The following AGAP1 variants were observed in gnomAD, a reference collection of about 807,000 sequenced individuals.
The protein encoded by AGAP1 is arf-GAP with GTPase, ANK repeat and PH domain-containing protein 1.
In AGAP1, 29 loss-of-function variants were observed where a neutral mutation model predicts 105.3. The ratio of observed to expected loss-of-function variants is 0.28; its 90% CI spans 0.21 to 0.38. The LOEUF (loss-of-function observed/expected upper bound fraction) is 0.38, where lower values mean the gene tolerates loss of function less well. Ranked by LOEUF, AGAP1 falls within the 10% of genes least tolerant of loss-of-function variation. The probability of loss-of-function intolerance (pLI) is 1.00; values close to 1 mark genes in which losing one functional copy is unlikely to be tolerated. For synonymous variants in AGAP1, 509 were observed against 485.9 expected (o/e 1.05, Z -0.63); for missense variants, 998 against 1,165.1 (o/e 0.86, Z 2.09).
chr2:235,998,623 A>G (rs2055916909), intron 13 of AGAP1, among the ~76,000 whole-genome samples: 1 of 146,102 alleles, frequency 6.8e-6, no homozygotes, highest in African/African-American at 2.4e-5. Flanking sequence ...GGCTCAGCAA[A>G]AGTTAGGGAT....
chr2:235,588,540 T>C (rs1945210538), intron 1 of AGAP1, among the ~76,000 whole-genome samples: 1 of 151,990 alleles, frequency 6.6e-6, no homozygotes, highest in South Asian at 2.1e-4. Flanking sequence ...AATAGTAAAA[T>C]CTGGATAAAA....
chr2:235,800,191 C>A (rs1043072555), intron 8 of AGAP1, among the ~76,000 whole-genome samples: 6 of 151,166 alleles, frequency 4.0e-5, no homozygotes, highest in South Asian at 2.1e-4. Context: ...ACTGCAGCCT[C>A]AACCTCCTGA....
Position 235,740,685 on chromosome 2 carries a change from G to A in AGAP1, c.311-278G>A, listed in dbSNP as rs1304287368. 6.6e-6 allele frequency among the ~76,000 whole-genome samples: 1 copy of A among 152,208 alleles called. No individual in the cohort carries two copies. Among genetic ancestry groups the A allele is most frequent in the African/African-American group, 2.4e-5 (1 of 41,450 alleles). Reference sequence around the variant, plus strand: ...GAGAATTCCTGAATTTACATAGAAAGCCCACATGAGAAGTCCACACTAATT... The same window carrying A: ...GAGAATTCCTGAATTTACATAGAAAACCCACATGAGAAGTCCACACTAATT... On this transcript the variant is annotated intron_variant, in intron 3 of 17. Transcript: ENST00000304032. The surrounding 1 kb of genome is among the most constrained non-coding windows in gnomAD (Gnocchi z 5.7).
At position 235,893,745 on chromosome 2, in the gene AGAP1, C is replaced by G. The variant is rs1277755016; in HGVS notation, c.1155+10296C>G. Among the ~76,000 whole-genome samples, 1 of 152,124 alleles carries G rather than the reference C, an allele frequency of 6.6e-6. No homozygotes were observed. Among genetic ancestry groups the G allele is most frequent in the Non-Finnish European group, 1.5e-5 (1 of 68,028 alleles). Reference sequence around the variant, plus strand: ...TGCCCAGGGGCTGTCATGTGAGTGGCACATAGGTATTGCTTAGTACACACC... The same window carrying G: ...TGCCCAGGGGCTGTCATGTGAGTGGGACATAGGTATTGCTTAGTACACACC... On this transcript the variant is annotated intron_variant, in intron 10 of 17. Transcript: ENST00000304032. This position sits in a 1 kb window ranked among gnomAD's most constrained non-coding sequence, Gnocchi z 4.7.
chr2:235,640,894 C>T (rs1265504391), intron 1 of AGAP1, among the ~76,000 whole-genome samples: 1 of 152,162 alleles, frequency 6.6e-6, no homozygotes, highest in Admixed American at 6.5e-5. Flanking sequence ...GTCCTGACTG[C>T]TTTCACTCAT....
At chr2:235,795,128 G>A (rs938624585) in intron 6 of AGAP1, among the ~76,000 whole-genome samples, 2 of 152,082 alleles carry the variant, frequency 1.3e-5, no homozygotes, top group African/African-American at 4.8e-5. Flanking sequence ...GGGAATGGAG[G>A]GGGGTTCCTC....
Position 236,120,583 on chromosome 2 carries a change from T to A in AGAP1, c.2370+136T>A. 1.4e-6 allele frequency: 2 copies of A among 1,464,056 alleles called. No homozygotes were observed. 90.7% of individuals were successfully genotyped at this position (1,464,056 alleles called of 1,614,324 possible). A position where few individuals can be genotyped will look rare whatever the true frequency, so the allele number is the denominator to read the frequency against. ...GTGGAAACAGTTCCTAATGGGAAACTCTGATTGAAGAGCAGAGGGCCTTAC... is the reference window on the plus strand; with the variant it reads ...GTGGAAACAGTTCCTAATGGGAAACACTGATTGAAGAGCAGAGGGCCTTAC... On this transcript the variant is annotated intron_variant, in intron 17 of 17. Coordinates refer to ENST00000304032, the MANE Select transcript of AGAP1 (RefSeq NM_001037131.3). This position sits in a 1 kb window ranked among gnomAD's most constrained non-coding sequence, Gnocchi z 6.0.
intron 13 of AGAP1, among the ~76,000 whole-genome samples, chr2:236,034,014 A>T (rs2057304065): frequency 6.6e-6 from 1 of 152,200 alleles, no homozygotes. Context: ...GTCACATCCC[A>T]CCTATGAATT....
At position 235,958,771 on chromosome 2, in the gene AGAP1, A is replaced by C. The variant is rs1486611954; in HGVS notation, c.1484-9691A>C. 6.6e-6 allele frequency among the ~76,000 whole-genome samples: 1 copy of C among 152,196 alleles called. No individual in the cohort carries two copies. Among genetic ancestry groups the C allele is most frequent in the Non-Finnish European group, 1.5e-5 (1 of 68,030 alleles). On this transcript the variant is annotated intron_variant, in intron 12 of 17. Coordinates refer to ENST00000304032, the MANE Select transcript of AGAP1 (RefSeq NM_001037131.3). This position sits in a 1 kb window ranked among gnomAD's most constrained non-coding sequence, Gnocchi z 4.1. ...GCTAAGAATACATTCCTGGCCCATC[A>C]GTCTCAAGCAGGCTGCTTGATATTT... is the stretch of plus-strand genomic sequence containing the variant.
chr2:235,765,396 C>T (rs1350228177), intron 6 of AGAP1, among the ~76,000 whole-genome samples: 1 of 152,058 alleles, frequency 6.6e-6, no homozygotes, highest in Non-Finnish European at 1.5e-5. Context: ...TCACGCTGCC[C>T]CCACAGGCCC....
chr2:235,897,551 G>A (rs1363695455), intron 10 of AGAP1, among the ~76,000 whole-genome samples: 1 of 152,188 alleles, frequency 6.6e-6, no homozygotes, highest in Non-Finnish European at 1.5e-5. Context: ...CGTCCTACCA[G>A]TATGCCGCGT....
intron 1 of AGAP1, among the ~76,000 whole-genome samples, chr2:235,497,817 C>G (rs1941386333): frequency 6.6e-6 from 1 of 152,148 alleles, no homozygotes; most frequent in Non-Finnish European, 1.5e-5. Context: ...GGTATGGTCT[C>G]CGTCTCCTAA....
intron 9 of AGAP1, among the ~76,000 whole-genome samples, chr2:235,828,120 G>T (rs528965134): frequency 6.6e-6 from 1 of 152,192 alleles, no homozygotes; most frequent in Non-Finnish European, 1.5e-5. Flanking sequence ...TTTCTGGCTT[G>T]TTCTCATGTT....
chr2:235,610,776 C>T lies in AGAP1; in HGVS notation c.164-98403C>T, dbSNP rs567744326. On this transcript the variant is annotated intron_variant, in intron 1 of 17. Coordinates refer to ENST00000304032, the MANE Select transcript of AGAP1 (RefSeq NM_001037131.3). This position sits in a 1 kb window ranked among gnomAD's most constrained non-coding sequence, Gnocchi z 4.9. ...GAAACCCTGGGCTGGGGAGGAGGTG[C>T]GCTAAGACTGGGCCACAGGTGTGCT... 6.0e-4 allele frequency among the ~76,000 whole-genome samples: 92 copies of T among 152,174 alleles called. No individual in the cohort carries two copies. The highest frequency in any genetic ancestry group is 2.1e-3 in the African/African-American group (86 of 41,516).
rs1458214543 is a variant in AGAP1 at position 235,620,110 on chromosome 2, A to T, written c.164-89069A>T. 6.6e-6 allele frequency among the ~76,000 whole-genome samples: 1 copy of T among 152,078 alleles called. No individual in the cohort carries two copies. Among genetic ancestry groups the T allele is most frequent in the Non-Finnish European group, 1.5e-5 (1 of 68,028 alleles). Reference sequence around the variant, plus strand: ...TCTTTGTCACAGCTGAAGCCCTCGCATGCTGGAGACTTGTCATTCTTCTCC... The same window carrying T: ...TCTTTGTCACAGCTGAAGCCCTCGCTTGCTGGAGACTTGTCATTCTTCTCC... On this transcript the variant is annotated intron_variant, in intron 1 of 17. Coordinates refer to ENST00000304032, the MANE Select transcript of AGAP1 (RefSeq NM_001037131.3). The surrounding 1 kb of genome is among the most constrained non-coding windows in gnomAD (Gnocchi z 4.5).
chr2:235,684,111 G>A (rs1434002949), intron 1 of AGAP1, among the ~76,000 whole-genome samples: 8 of 152,028 alleles, frequency 5.3e-5, no homozygotes, highest in Non-Finnish European at 1.2e-4. Context: ...GCACGATCTC[G>A]GCTCACTGCA....
rs77124921 is a variant in AGAP1 at position 235,728,390 on chromosome 2, A to C, written c.310+10746A>C. On this transcript the variant is annotated intron_variant, in intron 3 of 17. Coordinates refer to ENST00000304032, the MANE Select transcript of AGAP1 (RefSeq NM_001037131.3). This position sits in a 1 kb window ranked among gnomAD's most constrained non-coding sequence, Gnocchi z 4.3. ...CTGCCAATAATCTGCAAAAGATGAC[A>C]GTTTCATATGATTCCAATGGCTTAA... is the stretch of plus-strand genomic sequence containing the variant. Among the ~76,000 whole-genome samples the C allele has an allele frequency of 6.3e-3, 960 of 152,170 alleles. 15 individuals are homozygous for C. The highest frequency in any genetic ancestry group is 0.022 in the African/African-American group (914 of 41,452).
At chr2:235,746,999 A>G (rs1953006424) in intron 5 of AGAP1, among the ~76,000 whole-genome samples, 1 of 152,096 alleles carries the variant, frequency 6.6e-6, no homozygotes, top group Non-Finnish European at 1.5e-5. Flanking sequence ...TGGCTGGGTG[A>G]CCTTGACACC....
chr2:236,125,029 C>T lies in AGAP1; in HGVS notation c.*907C>T, dbSNP rs1363326860. On this transcript the variant is annotated 3_prime_UTR_variant, in exon 18 of 18. Coordinates refer to ENST00000304032, the MANE Select transcript of AGAP1 (RefSeq NM_001037131.3). The surrounding 1 kb of genome is among the most constrained non-coding windows in gnomAD (Gnocchi z 5.2). ...AACTCAGAAACTCAAAAGGAAACCA[C>T]AAATTCAGCTAATAATAGCATTTCG... is the stretch of plus-strand genomic sequence containing the variant. 1 of 166,740 alleles carries T rather than the reference C, an allele frequency of 6.0e-6. No homozygotes were observed. Among genetic ancestry groups the T allele is most frequent in the Non-Finnish European group, 1.5e-5 (1 of 68,110 alleles). The allele number at this position is 166,740 out of a possible 1,614,324, so 10.3% of individuals were successfully genotyped here.
Sources: allele counts gnomAD v4.1 joint callset (sites outside exome capture counted in the v4.1 genomes callset), GRCh38; gene constraint gnomAD v4.1.1; non-coding constraint Gnocchi (gnomAD v3.1); transcripts MANE v1.5; gene names NCBI Gene and HGNC (gene_info 2026-07-23, HGNC 2026-07-21).